Variants in TYRP1 observed in about 807,000 individuals in gnomAD.
TYRP1 encodes the protein tyrosinase related protein 1, also known as 5,6-dihydroxyindole-2-carboxylic acid oxidase.
TYRP1 carries 49 observed loss-of-function variants against 42.8 expected under a neutral mutation model. That is an observed-to-expected ratio of 1.14 (90% CI 0.91 to 1.45). The LOEUF is 1.45. Among genes scored for constraint, TYRP1 ranks in the 40% most tolerant of loss-of-function variants. The pLI, the probability that TYRP1 is intolerant of heterozygous loss-of-function variation, is 0.00. For synonymous variants in TYRP1, 279 were observed against 235.4 expected (o/e 1.19, Z -1.69); for missense variants, 848 against 662.0 (o/e 1.28, Z -3.08).
intron 6 of TYRP1, 63 bp from the exon 7 acceptor site, chr9:12,707,934 C>T: frequency 6.7e-7 from 1 of 1,501,880 alleles, no homozygotes; most frequent in Admixed American, 1.9e-5. Flanking sequence ...CTTTAGAACT[C>T]AATAATGATA....
At chr9:12,702,189 T>C in intron 4 of TYRP1, 82 bp from the exon 5 acceptor site, 1 of 1,415,366 alleles carries the variant, frequency 7.1e-7, no homozygotes, top group Non-Finnish European at 9.9e-7. Context: ...TTCATATTCA[T>C]GCTATGTATA....
chr9:12,708,615 TA>T (rs910910411), intron 7 of TYRP1, among the ~76,000 whole-genome samples: 2 of 151,944 alleles, frequency 1.3e-5, no homozygotes, highest in African/African-American at 4.8e-5. Flanking sequence ...GTTTTTTGTT[TA>T]AATCTTTTCC....
chr9:12,702,134 A>C, intron 4 of TYRP1, 137 bp from the exon 5 acceptor site: 1 of 814,044 alleles, frequency 1.2e-6, no homozygotes, highest in Non-Finnish European at 1.9e-6. Flanking sequence ...AATGCTACCA[A>C]GTATGCATTT....
Position 12,698,137 on chromosome 9 carries a change from A to T in TYRP1, c.709-314A>T, listed in dbSNP as rs1818106233. Among the ~76,000 whole-genome samples, 2 of 152,106 alleles carry T rather than the reference A, an allele frequency of 1.3e-5. 1 individual carries two copies. The highest frequency in any genetic ancestry group is 4.1e-4 in the South Asian group (2 of 4,826). On this transcript the variant is annotated intron_variant, in intron 3 of 7. Coordinates refer to ENST00000388918, the MANE Select transcript of TYRP1 (RefSeq NM_000550.3). ...TTGTTATTGATAACTTTTTTGTATA[A>T]CCAATATAAATGTAATTATCTGCCT...
At chr9:12,708,181 C>T (rs1238880871) in intron 7 of TYRP1, 38 bp downstream of exon 7, 1 of 1,609,446 alleles carries the variant, frequency 6.2e-7, no homozygotes, top group Admixed American at 1.7e-5. Context: ...TGATAATTTC[C>T]AAAAGCAAAT....
Position 12,708,068 on chromosome 9 carries a change from C to T in TYRP1, c.1333C>T (p.Pro445Ser), listed in dbSNP as rs548569318. ...ACAATACAACATGGTGCCATTCTGGCCCCCAGTCACCAACACAGAAATGTT... is the reference window on the plus strand; with the variant it reads ...ACAATACAACATGGTGCCATTCTGGTCCCCAGTCACCAACACAGAAATGTT... Reference protein sequence around the residue: ...NRQYNMVPFWPPVTNTEMFVT... With the variant: ...NRQYNMVPFWSPVTNTEMFVT... The change falls in exon 7 of 8, where the codon CCC becomes TCC. Residue 445 changes from proline (P) to serine (S), a missense_variant. Pro to Ser is a moderately conservative substitution (Grantham distance 74). Transcript: ENST00000388918. 3.1e-6 allele frequency: 5 copies of T among 1,612,684 alleles called. No homozygotes were observed. The East Asian group carries it at 6.7e-5, about 22-fold the overall frequency.
Position 12,706,407 on chromosome 9 carries a change from C to T in TYRP1, c.1262-1590C>T, listed in dbSNP as rs991709940. Among the ~76,000 whole-genome samples, 4 of 152,084 alleles carry T rather than the reference C, an allele frequency of 2.6e-5. No homozygotes were observed. In the South Asian group the frequency reaches 8.3e-4, roughly 32 times the overall value. ...AAATATAATTATTTCACATTGATAG[C>T]AAGTTGTTAAAGGTTCTCCAGATTT... is the stretch of plus-strand genomic sequence containing the variant. On this transcript the variant is annotated intron_variant, in intron 6 of 7. Coordinates refer to ENST00000388918, the MANE Select transcript of TYRP1 (RefSeq NM_000550.3).
Position 12,709,246 on chromosome 9 carries a change from G to GTTA in TYRP1, c.*68_*70dup, listed in dbSNP as rs1554648577. On this transcript the variant is annotated 3_prime_UTR_variant, in exon 8 of 8. Coordinates refer to ENST00000388918, the MANE Select transcript of TYRP1 (RefSeq NM_000550.3). ...CACCTGGTTGAATATAATAGATTGA[G>GTTA]TTATTAACTGTATTTTCTTTCACTT... 3 of 1,441,548 alleles carry GTTA rather than the reference G, an allele frequency of 2.1e-6. No homozygotes were observed. In the African/African-American group the frequency reaches 4.2e-5, roughly 20 times the overall value. 89.3% of individuals were successfully genotyped at this position (1,441,548 alleles called of 1,614,324 possible).
chr9:12,694,212 C>T lies in TYRP1; in HGVS notation c.216C>T (p.Ser72=), dbSNP rs1157060597. 1 of 1,613,790 alleles carries T rather than the reference C, an allele frequency of 6.2e-7. No individual in the cohort carries two copies. The highest frequency in any genetic ancestry group is 8.5e-7 in the Non-Finnish European group (1 of 1,179,894). The part of the protein sequence containing the change: ...RGRCEAVTAD[S]RPHSPQYPHD... ...GATGTGAGGCAGTGACTGCAGACTC[C>T]CGGCCCCACAGCCCTCAGTATCCCC... The change falls in exon 2 of 8, where the codon TCC becomes TCT. Residue 72 remains serine, a synonymous_variant. Coordinates refer to ENST00000388918, the MANE Select transcript of TYRP1 (RefSeq NM_000550.3).
In TYRP1 at chr9:12,707,864, T is replaced by C; in HGVS notation, c.1262-133T>C. 7.2e-6 allele frequency: 6 copies of C among 834,738 alleles called. No individual in the cohort carries two copies. In the Admixed American group the frequency reaches 1.4e-4, roughly 19 times the overall value. The allele number at this position is 834,738 out of a possible 1,614,324, so 51.7% of individuals were successfully genotyped here. A position where few individuals can be genotyped will look rare whatever the true frequency, so the allele number is the denominator to read the frequency against. On this transcript the variant is annotated intron_variant, in intron 6 of 7. Coordinates refer to ENST00000388918, the MANE Select transcript of TYRP1 (RefSeq NM_000550.3). ...CATCCTGCTGTAGTGAAACTTCATA[T>C]CTTTATTCAGTGTAAAATAAGAATA...
chr9:12,706,977 C>T (rs764105893), intron 6 of TYRP1, among the ~76,000 whole-genome samples: 1 of 151,822 alleles, frequency 6.6e-6, no homozygotes, highest in Non-Finnish European at 1.5e-5. Context: ...TGGAGTCATT[C>T]AAATATTAAT....
chr9:12,698,466 C>A lies in TYRP1; in HGVS notation c.724C>A (p.Pro242Thr), dbSNP rs748738090. The change falls in exon 4 of 8, where the codon CCT (proline) becomes ACT (threonine). Residue 242 changes from proline (P) to threonine (T), a missense_variant. Coordinates refer to ENST00000388918, the MANE Select transcript of TYRP1 (RefSeq NM_000550.3). ...TGTGATCTAGGAAATGTTGCAAGAGCCTTCTTTCTCCCTTCCTTACTGGAA... is the reference window on the plus strand; with the variant it reads ...TGTGATCTAGGAAATGTTGCAAGAGACTTCTTTCTCCCTTCCTTACTGGAA... ...EKDMQEMLQE[P>T]SFSLPYWNFA... 2 of 1,613,466 alleles carry A rather than the reference C, an allele frequency of 1.2e-6. No individual in the cohort carries two copies. The highest frequency in any genetic ancestry group is 2.7e-5 in the African/African-American group (2 of 74,900).
chr9:12,695,626 C>G lies in TYRP1; in HGVS notation c.497C>G (p.Ser166Ter), dbSNP rs104894130. 3.2e-5 allele frequency: 52 copies of G among 1,614,014 alleles called. No individual in the cohort carries two copies. In the African/African-American group the frequency reaches 5.6e-4, roughly 17 times the overall value. ...TTATTTGTCATTGCCACCAGGAGAT[C>G]AGAAGAAATACTGGGGCCAGATGGC... ...HPLFVIATRR[S>*]EEILGPDGNT... The change falls in exon 3 of 8, where the codon TCA (serine) becomes TGA (stop). Residue 166 changes from serine to a stop codon, truncating the protein, a stop_gained. Coordinates refer to ENST00000388918, the MANE Select transcript of TYRP1 (RefSeq NM_000550.3). LOFTEE classifies it high-confidence loss of function.
Position 12,698,585 on chromosome 9 carries a change from T to C in TYRP1, c.843T>C (p.Ser281=). The C allele has an allele frequency of 1.2e-6, 2 of 1,613,874 alleles. No homozygotes were observed. The highest frequency in any genetic ancestry group is 1.1e-5 in the South Asian group (1 of 91,084). Residue 281 remains serine (S), a synonymous_variant, in exon 4 of 8, where the codon TCT becomes TCC. Transcript: ENST00000388918. ...ATTCCACTCTAATAAGCCCAAACTC[T>C]GTCTTTTCTCAATGGCGAGTGGTCT... ...NFDSTLISPN[S]VFSQWRVVCD...
chr9:12,705,219 C>A lies in TYRP1; in HGVS notation c.1261+514C>A, dbSNP rs2075509. ...CACTATAGGAAATCTCTTTTAAGTT[C>A]ATTTCAATGCATTCTTTAAAATACT... On this transcript the variant is annotated intron_variant, in intron 6 of 7. Coordinates refer to ENST00000388918, the MANE Select transcript of TYRP1 (RefSeq NM_000550.3). Among the ~76,000 whole-genome samples, 7,132 of 152,044 alleles carry A rather than the reference C, an allele frequency of 0.047. 998 individuals are homozygous for A. The East Asian group carries it at 0.53, about 11-fold the overall frequency.
chr9:12,709,758 A>G lies in TYRP1; in HGVS notation c.*576A>G, dbSNP rs1281556910. 1.3e-5 allele frequency: 2 copies of G among 153,792 alleles called. No homozygotes were observed. Among genetic ancestry groups the G allele is most frequent in the African/African-American group, 4.8e-5 (2 of 41,394 alleles). The allele number at this position is 153,792 out of a possible 1,614,324, so 9.5% of individuals were successfully genotyped here. Reference sequence around the variant, plus strand: ...ATTATTTAGTCAACATATACTATTTAGTCTCAGGTTCAAGGCTACAACAAA... The same window carrying G: ...ATTATTTAGTCAACATATACTATTTGGTCTCAGGTTCAAGGCTACAACAAA... On this transcript the variant is annotated 3_prime_UTR_variant, in exon 8 of 8. Coordinates refer to ENST00000388918, the MANE Select transcript of TYRP1 (RefSeq NM_000550.3).
At chr9:12,704,771 A>T in intron 6 of TYRP1, 66 bp downstream of exon 6, 4 of 1,500,936 alleles carry the variant, frequency 2.7e-6, no homozygotes, top group Non-Finnish European at 3.7e-6. Context: ...CATAGTTATC[A>T]GTTCAAGCTG....
Position 12,709,223 on chromosome 9 carries a change from C to T in TYRP1, c.*41C>T, listed in dbSNP as rs138587103. On this transcript the variant is annotated 3_prime_UTR_variant, in exon 8 of 8. Transcript: ENST00000388918. ...CTTATGCATTAGTATCACAAAACCA[C>T]CTGGTTGAATATAATAGATTGAGTT... 1.5e-4 allele frequency: 227 copies of T among 1,560,804 alleles called. 2 individuals are homozygous for T. The African/African-American group carries it at 2.1e-3, about 15-fold the overall frequency.
rs931480634 is a variant in TYRP1, at chr9:12,694,491, C to T, written c.385+110C>T. On this transcript the variant is annotated intron_variant, in intron 2 of 7. Transcript: ENST00000388918. ...ATACCTGGAAATCATATAGCTCAAC[C>T]CTCTCTTTTCATAGTTGAGGAAACT... 8.2e-6 allele frequency: 11 copies of T among 1,348,808 alleles called. No homozygotes were observed. The Admixed American group carries it at 2.0e-4, about 24-fold the overall frequency. The allele number at this position is 1,348,808 out of a possible 1,614,324, so 83.6% of individuals were successfully genotyped here.
Sources: allele counts gnomAD v4.1 joint callset (sites outside exome capture counted in the v4.1 genomes callset), GRCh38; gene constraint gnomAD v4.1.1; transcripts MANE v1.5; gene names NCBI Gene and HGNC (gene_info 2026-07-23, HGNC 2026-07-21).